ZC3H12B: variants seen among roughly 807,000 people sequenced by gnomAD.
The protein encoded by ZC3H12B is zinc finger CCCH-type containing 12B.
In ZC3H12B, 7 loss-of-function variants were observed where a neutral mutation model predicts 43.9. That is an observed-to-expected ratio of 0.16 (90% CI 0.09 to 0.30). ZC3H12B has a LOEUF of 0.30. ZC3H12B is among the 10% of genes least tolerant of loss of function. The pLI is 1.00. For synonymous variants in ZC3H12B, 222 were observed against 241.7 expected, an observed-to-expected ratio of 0.92 and a Z score of 0.76; for missense variants, 475 against 670.2, an observed-to-expected ratio of 0.71 and a Z score of 3.22.
the ZC3H12B span, among the ~76,000 whole-genome samples, chrX:65,231,862 G>C: frequency 1.8e-5 from 2 of 111,394 alleles, no homozygotes; most frequent in Non-Finnish European, 3.8e-5. Context: ...CAAAAAATTT[G>C]TACAGTTAAC....
chrX:65,039,862 T>C, the ZC3H12B span, among the ~76,000 whole-genome samples: 796 of 111,557 alleles, frequency 7.1e-3, 7 homozygotes, highest in African/African-American at 0.024. Context: ...AGGTAAAAGG[T>C]CAGAAGGGGT....
At chrX:65,257,902 C>A in the ZC3H12B span, among the ~76,000 whole-genome samples, 1 of 111,082 alleles carries the variant, frequency 9.0e-6, no homozygotes, top group African/African-American at 3.3e-5. Flanking sequence ...AGACTACCAA[C>A]TGGAAGAAGC....
the ZC3H12B span, among the ~76,000 whole-genome samples, chrX:65,109,001 T>G: frequency 9.0e-6 from 1 of 111,690 alleles, no homozygotes; most frequent in African/African-American, 3.2e-5. Flanking sequence ...TTTTCTGGGT[T>G]TGCCCCAGCT....
the ZC3H12B span, among the ~76,000 whole-genome samples, chrX:65,224,732 T>A: frequency 8.9e-6 from 1 of 112,058 alleles, no homozygotes; most frequent in East Asian, 2.8e-4. Flanking sequence ...ATCCCGCACA[T>A]GACTCAGAGG....
At chrX:65,213,415 G>T in the ZC3H12B span, among the ~76,000 whole-genome samples, 3 of 111,242 alleles carry the variant, frequency 2.7e-5, no homozygotes, top group East Asian at 8.4e-4. Flanking sequence ...GGGATCACTT[G>T]GCTCATAGGG....
chrX:65,461,474 G>A (rs1213450340), intron 3 of ZC3H12B, among the ~76,000 whole-genome samples: 1 of 112,094 alleles, frequency 8.9e-6, no homozygotes, highest in Non-Finnish European at 1.9e-5. Context: ...AATGATAGAC[G>A]GGATTAAGCA....
At chrX:65,150,539 C>A in the ZC3H12B span, among the ~76,000 whole-genome samples, 4 of 109,453 alleles carry the variant, frequency 3.7e-5, no homozygotes, top group African/African-American at 1.3e-4. Flanking sequence ...CTCCTTGTGT[C>A]CATGTATTCT....
Position 65,409,180 on chromosome X carries a change from T to C in ZC3H12B, n.407+10476T>C, listed in dbSNP as rs997058582. Among the ~76,000 whole-genome samples, 3 of 111,547 alleles carry C rather than the reference T, an allele frequency of 2.7e-5. No homozygotes were observed. In the South Asian group the frequency reaches 1.1e-3, roughly 41 times the overall value. ...AAGAAATAAAAAAATAGGCTTTGTG[T>C]ATGGTTAAACTAAATCTTATGTTTA... On this transcript the variant is annotated intron_variant and non_coding_transcript_variant, in intron 3 of 5. Transcript: ENST00000617377.
At chrX:65,504,218 A>G (rs1199214169) in exon 5 of ZC3H12B, 2 of 112,098 alleles carry the variant, frequency 1.8e-5, no homozygotes, top group Non-Finnish European at 3.8e-5. Flanking sequence ...ATGTGTGTGT[A>G]TCTCTGTATA....
chrX:65,429,102 C>G (rs935106266), intron 3 of ZC3H12B, among the ~76,000 whole-genome samples: 1 of 112,195 alleles, frequency 8.9e-6, no homozygotes, highest in Non-Finnish European at 1.9e-5. Context: ...TGTGAAATAG[C>G]AAAGATGGCA....
chrX:65,450,441 A>G (rs1244681841), intron 3 of ZC3H12B, among the ~76,000 whole-genome samples: 3 of 47,940 alleles, frequency 6.3e-5, no homozygotes, highest in African/African-American at 2.6e-4. Flanking sequence ...TTATATGTGT[A>G]TATATATACA....
At chrX:65,226,958 C>T in the ZC3H12B span, among the ~76,000 whole-genome samples, 2 of 111,213 alleles carry the variant, frequency 1.8e-5, no homozygotes, top group Admixed American at 9.6e-5. Flanking sequence ...CCACTCTCAA[C>T]ATTACACAGA....
At chrX:65,484,251 T>C (rs1022991465), upstream of ZC3H12B, among the ~76,000 whole-genome samples, 3 of 110,928 alleles carry the variant, frequency 2.7e-5, no homozygotes, top group Non-Finnish European at 5.7e-5. Flanking sequence ...AACTAATGGG[T>C]ACTGGGCTTA....
chrX:65,319,811 A>G, the ZC3H12B span, among the ~76,000 whole-genome samples: 2 of 111,303 alleles, frequency 1.8e-5, no homozygotes, highest in African/African-American at 6.5e-5. Context: ...AAACAGAACT[A>G]AAAAAAACAC....
the ZC3H12B span, among the ~76,000 whole-genome samples, chrX:65,123,186 A>T: frequency 1.1e-5 from 1 of 92,123 alleles, no homozygotes; most frequent in Non-Finnish European, 1.9e-5. Context: ...TGACAAAATC[A>T]TGTGGTTTTT....
chrX:65,350,990 A>G, the ZC3H12B span, among the ~76,000 whole-genome samples: 1 of 112,330 alleles, frequency 8.9e-6, no homozygotes, highest in Admixed American at 9.4e-5. Flanking sequence ...TTTAAATGGA[A>G]CCAAAAAAGA....
intron 3 of ZC3H12B, among the ~76,000 whole-genome samples, chrX:65,412,248 C>T (rs1033299258): frequency 9.0e-6 from 1 of 111,534 alleles, no homozygotes; most frequent in African/African-American, 3.3e-5. Flanking sequence ...CAATATGTGA[C>T]CTTTTGTGCC....
At chrX:65,084,697 G>A in the ZC3H12B span, among the ~76,000 whole-genome samples, 3 of 112,772 alleles carry the variant, frequency 2.7e-5, no homozygotes, top group East Asian at 2.8e-4. Context: ...AGAATAGTTT[G>A]GAGGCTCCTC....
intron 1 of ZC3H12B, among the ~76,000 whole-genome samples, chrX:65,491,663 C>T (rs1244642863): frequency 4.7e-5 from 5 of 105,773 alleles, no homozygotes; most frequent in Non-Finnish European, 7.7e-5. Context: ...GCAGTGATCT[C>T]GCCACTGCAC....
Sources: allele counts gnomAD v4.1 joint callset (sites outside exome capture counted in the v4.1 genomes callset), GRCh38; gene constraint gnomAD v4.1.1; transcripts MANE v1.5; gene names NCBI Gene and HGNC (gene_info 2026-07-23, HGNC 2026-07-21).